PCDH15: variants seen among roughly 807,000 people sequenced by gnomAD.
PCDH15 encodes protocadherin-15.
A neutral mutation model predicts 178.5 loss-of-function variants in PCDH15; 129 were observed. The ratio of observed to expected loss-of-function variants is 0.72; its 90% CI spans 0.63 to 0.84. The LOEUF (loss-of-function observed/expected upper bound fraction) is 0.84. PCDH15 is among the 40% of genes least tolerant of loss of function. The pLI, the probability that PCDH15 is intolerant of heterozygous loss-of-function variation, is 0.00. For synonymous variants in PCDH15, 800 were observed against 732.0 expected, an observed-to-expected ratio of 1.09 and a Z score of -1.50; for missense variants, 2,230 against 2,099.9, an observed-to-expected ratio of 1.06 and a Z score of -1.21.
At chr10:55,100,947 C>T (rs922243211) in intron 2 of PCDH15, among the ~76,000 whole-genome samples, 10 of 152,148 alleles carry the variant, frequency 6.6e-5, no homozygotes, top group Non-Finnish European at 1.5e-4. Context: ...TAGAAATTAT[C>T]TTCCTCATCT....
At chr10:54,889,500 G>GAGATATATATATATATATATAT (rs1554811033) in intron 3 of PCDH15, among the ~76,000 whole-genome samples, 1 of 142,008 alleles carries the variant, frequency 7.0e-6, no homozygotes, top group East Asian at 2.1e-4. Flanking sequence ...TAATTGTGAA[G>GAGATATATATATATATATATAT]ATATATATAT....
At chr10:55,289,261 A>T (rs971870209) in intron 1 of PCDH15, among the ~76,000 whole-genome samples, 6 of 152,028 alleles carry the variant, frequency 3.9e-5, no homozygotes, top group African/African-American at 1.4e-4. Flanking sequence ...CTAAATTTAC[A>T]TACTCTCATA....
chr10:54,221,287 T>C (rs2052778150), intron 9 of PCDH15, among the ~76,000 whole-genome samples: 2 of 152,186 alleles, frequency 1.3e-5, no homozygotes, highest in South Asian at 2.1e-4. Context: ...TTCAGTATTA[T>C]AGAGGAAATG....
chr10:54,808,457 G>A (rs1952813188), intron 3 of PCDH15, among the ~76,000 whole-genome samples: 1 of 152,190 alleles, frequency 6.6e-6, no homozygotes, highest in Admixed American at 6.5e-5. Context: ...AATCAGCGAA[G>A]AGGTGTTGAG....
Position 54,411,755 on chromosome 10 carries a change from T to C in PCDH15, c.158-32813A>G, listed in dbSNP as rs995280393. ...TCAATTACAGGGGCTATGTCTCCAG[T>C]AAACAAGAAAATGCCTGTCACACAG... On this transcript the variant is annotated intron_variant, in intron 3 of 37. Transcript: ENST00000644397. 3.3e-5 allele frequency among the ~76,000 whole-genome samples: 5 copies of C among 152,232 alleles called. No individual in the cohort carries two copies. The South Asian group carries it at 1.0e-3, about 32-fold the overall frequency.
intron 1 of PCDH15, among the ~76,000 whole-genome samples, chr10:54,785,715 G>A (rs367914505): frequency 1.3e-5 from 2 of 152,002 alleles, no homozygotes; most frequent in Admixed American, 1.3e-4. Context: ...AAAAAAGCAT[G>A]TAGCACCCTG....
chr10:55,492,599 G>A (rs1429511404), intron 2 of PCDH15, among the ~76,000 whole-genome samples: 1 of 151,676 alleles, frequency 6.6e-6, no homozygotes, highest in Non-Finnish European at 1.5e-5. Flanking sequence ...GTAGAGGTGG[G>A]ATCAGTCTCA....
At chr10:54,870,986 C>T (rs1412507629) in intron 3 of PCDH15, among the ~76,000 whole-genome samples, 4 of 151,956 alleles carry the variant, frequency 2.6e-5, no homozygotes, top group African/African-American at 4.8e-5. Context: ...TTACTTATAG[C>T]CCCCGGGCAA....
intron 3 of PCDH15, among the ~76,000 whole-genome samples, chr10:54,387,572 T>C (rs1253385057): frequency 2.0e-5 from 3 of 152,190 alleles, no homozygotes; most frequent in African/African-American, 4.8e-5. Context: ...ATCTGAAAGT[T>C]TGAAATTTAC....
intron 2 of PCDH15, among the ~76,000 whole-genome samples, chr10:54,928,263 C>A (rs1837681084): frequency 6.6e-6 from 1 of 151,962 alleles, no homozygotes; most frequent in African/African-American, 2.4e-5. Context: ...AATATTGGAC[C>A]CCAATCTCTT....
intron 18 of PCDH15, among the ~76,000 whole-genome samples, chr10:54,028,392 G>T (rs1425928129): frequency 1.3e-5 from 2 of 149,334 alleles, no homozygotes; most frequent in Non-Finnish European, 3.0e-5. Context: ...ATTCCTCAGG[G>T]ATCTAGAACT....
intron 1 of PCDH15, among the ~76,000 whole-genome samples, chr10:55,169,350 A>G (rs1319396299): frequency 6.6e-6 from 1 of 152,194 alleles, no homozygotes; most frequent in African/African-American, 2.4e-5. Context: ...GCTAAGAAAT[A>G]CATTGTTTCC....
chr10:54,881,642 G>A (rs558559960), intron 3 of PCDH15, among the ~76,000 whole-genome samples: 21 of 152,142 alleles, frequency 1.4e-4, no homozygotes, highest in African/African-American at 4.8e-4. Flanking sequence ...TGAATCATCC[G>A]TAGTTATAGA....
intron 6 of PCDH15, among the ~76,000 whole-genome samples, chr10:54,337,595 G>T (rs1941433060): frequency 6.6e-6 from 1 of 152,112 alleles, no homozygotes; most frequent in Non-Finnish European, 1.5e-5. Context: ...TCCTGTTCTT[G>T]GTGCCAAGAT....
intron 3 of PCDH15, among the ~76,000 whole-genome samples, chr10:54,841,478 C>A (rs1224313465): frequency 6.6e-6 from 1 of 151,522 alleles, no homozygotes; most frequent in Non-Finnish European, 1.5e-5. Flanking sequence ...AAATACCTAA[C>A]TTTACATATC....
intron 2 of PCDH15, among the ~76,000 whole-genome samples, chr10:55,426,238 G>A (rs1838751220): frequency 1.3e-5 from 2 of 152,174 alleles, no homozygotes; most frequent in Non-Finnish European, 2.9e-5. Context: ...TGGGACTCGT[G>A]AAGGTAGTGC....
At chr10:54,996,731 G>T (rs1193073867) in intron 2 of PCDH15, among the ~76,000 whole-genome samples, 2 of 152,154 alleles carry the variant, frequency 1.3e-5, no homozygotes, top group African/African-American at 4.8e-5. Flanking sequence ...TCTAAGCAGG[G>T]TTTGGTCAGG....
At chr10:53,887,493 G>C (rs888595098) in intron 26 of PCDH15, among the ~76,000 whole-genome samples, 5 of 152,060 alleles carry the variant, frequency 3.3e-5, no homozygotes, top group Non-Finnish European at 7.4e-5. Flanking sequence ...TTTTAGAAAT[G>C]TAATATACAT....
At chr10:54,421,914 A>ATATATATATACACAC (rs1565232265) in intron 3 of PCDH15, among the ~76,000 whole-genome samples, 2 of 20,672 alleles carry the variant, frequency 9.7e-5, no homozygotes, top group South Asian at 1.6e-3. Flanking sequence ...TATATACACT[A>ATATATATATACACAC]TATATATATA....
Sources: allele counts gnomAD v4.1 joint callset (sites outside exome capture counted in the v4.1 genomes callset), GRCh38; gene constraint gnomAD v4.1.1; transcripts MANE v1.5; gene names NCBI Gene and HGNC (gene_info 2026-07-23, HGNC 2026-07-21).